PDLIM5: variants seen among roughly 807,000 people sequenced by gnomAD.
The protein encoded by PDLIM5 is PDZ and LIM domain 5.
A neutral mutation model predicts 64.2 loss-of-function variants in PDLIM5; 34 were observed. The ratio of observed to expected loss-of-function variants is 0.53; its 90% CI spans 0.40 to 0.71. PDLIM5 has a LOEUF of 0.71. Ranked by LOEUF, PDLIM5 falls within the 30% of genes least tolerant of loss-of-function variation. The pLI is 0.00. For synonymous variants in PDLIM5, 253 were observed against 269.1 expected (o/e 0.94, Z 0.59); for missense variants, 683 against 733.6 (o/e 0.93, Z 0.80).
At chr4:94,568,005 G>A (rs1443979193) in intron 3 of PDLIM5, among the ~76,000 whole-genome samples, 3 of 152,114 alleles carry the variant, frequency 2.0e-5, no homozygotes, top group South Asian at 2.1e-4. Context: ...GGAATAATAC[G>A]TTTCACTTTC....
intron 2 of PDLIM5, among the ~76,000 whole-genome samples, chr4:94,517,198 A>T (rs1729436799): frequency 6.6e-6 from 1 of 152,192 alleles, no homozygotes. Flanking sequence ...TATTGTTGGC[A>T]GGAAAGCAAG....
chr4:94,598,521 C>T (rs1737240436), intron 7 of PDLIM5, among the ~76,000 whole-genome samples: 1 of 152,028 alleles, frequency 6.6e-6, no homozygotes, highest in Admixed American at 6.6e-5. Context: ...TGGGTCTTTT[C>T]CTCTAAACAT....
chr4:94,658,829 A>G lies in PDLIM5; in HGVS notation c.1585+1282A>G, dbSNP rs551655023. The stretch of plus-strand genomic sequence containing the variant: ...GGTTGGCCACAAGCTGCCTTCCTCA[A>G]TTCAACCAGAATACTTCATATTTTG... On this transcript the variant is annotated intron_variant, in intron 11 of 12. Transcript: ENST00000317968. Among the ~76,000 whole-genome samples the G allele has an allele frequency of 5.9e-5, 9 of 152,316 alleles. No individual in the cohort carries two copies. In the South Asian group the frequency reaches 6.2e-4, roughly 11 times the overall value.
chr4:94,488,719 G>A (rs1411622575), intron 2 of PDLIM5, among the ~76,000 whole-genome samples: 1 of 152,110 alleles, frequency 6.6e-6, no homozygotes, highest in Non-Finnish European at 1.5e-5. Context: ...TCTACTTTTC[G>A]AGTCAGATCT....
At chr4:94,635,998 C>T (rs970797994) in intron 8 of PDLIM5, among the ~76,000 whole-genome samples, 54 of 152,252 alleles carry the variant, frequency 3.5e-4, no homozygotes, top group Admixed American at 3.2e-3. Context: ...GGGGCAGTAA[C>T]GGAAAGCAAG....
chr4:94,559,322 A>G (rs1335083009), intron 3 of PDLIM5, among the ~76,000 whole-genome samples: 1 of 152,162 alleles, frequency 6.6e-6, no homozygotes, highest in East Asian at 1.9e-4. Flanking sequence ...TGCTATTTTT[A>G]CAAGGCTGCT....
intron 2 of PDLIM5, among the ~76,000 whole-genome samples, chr4:94,470,207 G>C (rs901164942): frequency 2.6e-5 from 4 of 151,878 alleles, no homozygotes; most frequent in Non-Finnish European, 5.9e-5. Context: ...CTCGTGATCC[G>C]CCTAGCTCGG....
At chr4:94,611,227 G>A in intron 7 of PDLIM5, 2 of 1,525,290 alleles carry the variant, frequency 1.3e-6, no homozygotes, top group Non-Finnish European at 8.8e-7. Context: ...TATGGCAAGT[G>A]GTGGTTCGCT....
At chr4:94,600,728 G>A (rs1175434260) in intron 7 of PDLIM5, among the ~76,000 whole-genome samples, 1 of 152,152 alleles carries the variant, frequency 6.6e-6, no homozygotes, top group East Asian at 1.9e-4. Context: ...AAGGTTAGTG[G>A]TAAGTGCCCT....
intron 8 of PDLIM5, among the ~76,000 whole-genome samples, chr4:94,639,671 G>A (rs1254929870): frequency 6.6e-6 from 1 of 152,088 alleles, no homozygotes; most frequent in Non-Finnish European, 1.5e-5. Flanking sequence ...TCAATACATT[G>A]GGATTTTTAA....
At chr4:94,487,194 G>A (rs1324323157) in intron 2 of PDLIM5, among the ~76,000 whole-genome samples, 1 of 152,040 alleles carries the variant, frequency 6.6e-6, no homozygotes, top group Non-Finnish European at 1.5e-5. Context: ...GCAGCTGAAT[G>A]TAACCCTAAT....
At chr4:94,564,623 G>T (rs1375426056) in intron 3 of PDLIM5, among the ~76,000 whole-genome samples, 1 of 148,664 alleles carries the variant, frequency 6.7e-6, no homozygotes, top group Non-Finnish European at 1.5e-5. Flanking sequence ...CTCTCAAATG[G>T]ATGTAAGCAC....
At chr4:94,635,188 G>T (rs919882428) in intron 8 of PDLIM5, among the ~76,000 whole-genome samples, 3 of 152,112 alleles carry the variant, frequency 2.0e-5, no homozygotes, top group Non-Finnish European at 2.9e-5. Context: ...TAGTTTTCTG[G>T]TGGTGAAATG....
At chr4:94,486,775 G>A (rs949875924) in intron 2 of PDLIM5, among the ~76,000 whole-genome samples, 4 of 152,194 alleles carry the variant, frequency 2.6e-5, no homozygotes, top group Non-Finnish European at 5.9e-5. Context: ...GCCAGTTCAG[G>A]AGAGTTGCTT....
chr4:94,635,783 A>G (rs1474640812), intron 8 of PDLIM5, among the ~76,000 whole-genome samples: 1 of 152,228 alleles, frequency 6.6e-6, no homozygotes, highest in Non-Finnish European at 1.5e-5. Context: ...AAGGTTGCCC[A>G]TTCCTGTGCT....
At chr4:94,533,462 G>A (rs1731066976) in intron 3 of PDLIM5, among the ~76,000 whole-genome samples, 1 of 152,134 alleles carries the variant, frequency 6.6e-6, no homozygotes, top group Non-Finnish European at 1.5e-5. Context: ...TTTGCAAAAT[G>A]AAATTTTAAT....
chr4:94,591,734 A>G (rs1377867205), intron 7 of PDLIM5, among the ~76,000 whole-genome samples: 1 of 151,976 alleles, frequency 6.6e-6, no homozygotes, highest in Non-Finnish European at 1.5e-5. Context: ...TTGCAACTCC[A>G]CCTCTCCTAC....
chr4:94,546,743 G>T (rs1230340608), intron 3 of PDLIM5, among the ~76,000 whole-genome samples: 2 of 151,912 alleles, frequency 1.3e-5, no homozygotes, highest in African/African-American at 4.8e-5. Context: ...AAACACCAGG[G>T]ATATTAAATT....
chr4:94,471,901 TCTTATAAGTATTTATACTTACAAAGAC>T (rs1560637405), intron 2 of PDLIM5, among the ~76,000 whole-genome samples: 11 of 149,068 alleles, frequency 7.4e-5, no homozygotes, highest in African/African-American at 2.7e-4. Flanking sequence ...CTTACAAAGA[TCTTATAAGTATTTATACTTACAAAGAC>T]CTTATAAGTA....
Sources: gnomAD v4.1 joint callset for allele counts (sites outside exome capture counted in the v4.1 genomes callset) on GRCh38, gnomAD v4.1.1 for gene constraint, MANE v1.5 for transcripts, NCBI Gene and HGNC (gene_info 2026-07-23, HGNC 2026-07-21) for gene names.